COL2A1: variants seen among roughly 807,000 people sequenced by gnomAD.
COL2A1 encodes collagen type II alpha 1 chain, also known as collagen alpha-1(II) chain.
In COL2A1, 28 loss-of-function variants were observed where a neutral mutation model predicts 204.5. The ratio of observed to expected loss-of-function variants is 0.14; its 90% CI spans 0.10 to 0.19. The LOEUF is 0.19. COL2A1 is among the 10% of genes least tolerant of loss of function. The pLI is 1.00. For synonymous variants in COL2A1, 708 were observed against 718.7 expected (o/e 0.99, Z 0.24); for missense variants, 1,388 against 2,027.5 (o/e 0.68, Z 6.06).
At chr12:47,998,921 C>T (rs995095851) in intron 2 of COL2A1, 2 of 169,076 alleles carry the variant, frequency 1.2e-5, no homozygotes, top group Admixed American at 1.1e-4. Context: ...TTATGAAGAG[C>T]ATCGGAGCAT....
chr12:48,001,549 G>A (rs1322994047), intron 1 of COL2A1, among the ~76,000 whole-genome samples: 1 of 152,154 alleles, frequency 6.6e-6, no homozygotes, highest in East Asian at 1.9e-4. Flanking sequence ...AGGACCCAGG[G>A]AGGAGAGGGG....
intron 52 of COL2A1, 52 bp downstream of exon 52, chr12:47,974,621 GAA>G: frequency 4.4e-6 from 7 of 1,579,902 alleles, no homozygotes; most frequent in Non-Finnish European, 6.1e-6. Flanking sequence ...AGAAAGAAAA[GAA>G]AGAGTTTGAG....
In COL2A1 at chr12:48,004,330, G is replaced by C; in HGVS notation, c.-9C>G. 2 of 1,528,664 alleles carry C rather than the reference G, an allele frequency of 1.3e-6. No individual in the cohort carries two copies. The highest frequency in any genetic ancestry group is 1.8e-6 in the Non-Finnish European group (2 of 1,128,086). The allele number at this position is 1,528,664 out of a possible 1,614,324, so 94.7% of individuals were successfully genotyped here. On this transcript the variant is annotated 5_prime_UTR_variant, in exon 1 of 54. Transcript: ENST00000380518. ...GCCCCGAGGCGAATCATGGCTCACC[G>C]CGGGGCCTGGCTGAGCCGGGCCCGG...
intron 16 of COL2A1, among the ~76,000 whole-genome samples, chr12:47,990,256 C>T (rs1939643010): frequency 6.6e-6 from 1 of 152,162 alleles, no homozygotes; most frequent in African/African-American, 2.4e-5. Flanking sequence ...GTGATCCACC[C>T]GCCTCAGGCT....
At chr12:47,983,643 T>C in intron 30 of COL2A1, 40 bp downstream of exon 30, 1 of 1,577,540 alleles carries the variant, frequency 6.3e-7, no homozygotes, top group East Asian at 2.3e-5. Flanking sequence ...GCCCTGGGTA[T>C]GGCAAAGGAC....
At chr12:47,986,171 G>A (rs1234782694) in intron 23 of COL2A1, among the ~76,000 whole-genome samples, 165 bp downstream of exon 23, 1 of 152,170 alleles carries the variant, frequency 6.6e-6, no homozygotes, top group Non-Finnish European at 1.5e-5. Context: ...GGTGGTTGGC[G>A]GCACAAATCA....
chr12:47,994,401 A>C (rs374347108), intron 12 of COL2A1, 23 bp downstream of exon 12: 3 of 1,613,862 alleles, frequency 1.9e-6, no homozygotes, highest in Non-Finnish European at 2.5e-6. Flanking sequence ...AAGATGCCTG[A>C]GGCTGGGAAC....
chr12:47,976,946 G>A lies in COL2A1; in HGVS notation c.3328-27C>T. 1 of 1,575,700 alleles carries A rather than the reference G, an allele frequency of 6.3e-7. No homozygotes were observed. Among genetic ancestry groups the A allele is most frequent in the South Asian group, 1.1e-5 (1 of 87,196 alleles). On this transcript the variant is annotated intron_variant, in intron 47 of 53. Coordinates refer to ENST00000380518, the MANE Select transcript of COL2A1 (RefSeq NM_001844.5). The surrounding 1 kb of genome is among the most constrained non-coding windows in gnomAD (Gnocchi z 4.3). ...TGGGAACAAGACAGACACCGATTGA[G>A]TCAGGTCAGGGCCAGGACAGGAGCC...
In COL2A1 at chr12:47,987,357, C is replaced by A. The variant is rs1407624854; in HGVS notation, c.1222-44G>T. On this transcript the variant is annotated intron_variant, in intron 19 of 53. Coordinates refer to ENST00000380518, the MANE Select transcript of COL2A1 (RefSeq NM_001844.5). This position sits in a 1 kb window ranked among gnomAD's most constrained non-coding sequence, Gnocchi z 4.1. ...TCAAATAAGCAGCAAAGAATGAACC[C>A]CAACCACCTCCAGCCCTCCAGGATC... 6.2e-6 allele frequency: 10 copies of A among 1,601,978 alleles called. No homozygotes were observed. The Admixed American group carries it at 6.7e-5, about 11-fold the overall frequency.
At chr12:47,975,832 C>T in intron 50 of COL2A1, 131 bp downstream of exon 50, 1 of 862,716 alleles carries the variant, frequency 1.2e-6, no homozygotes. Flanking sequence ...TCTGAGGAGA[C>T]CTCAGGATAA....
At chr12:47,993,728 C>G in intron 14 of COL2A1, 81 bp downstream of exon 14, 1 of 1,511,564 alleles carries the variant, frequency 6.6e-7, no homozygotes, top group Non-Finnish European at 9.2e-7. Context: ...CCACTGAGCT[C>G]CACAGTGTCT....
chr12:47,996,084 ACT>A (rs2136620011), intron 8 of COL2A1, among the ~76,000 whole-genome samples, 165 bp from the exon 9 acceptor site: 1 of 151,716 alleles, frequency 6.6e-6, no homozygotes, highest in South Asian at 2.1e-4. Context: ...CCCACGCAAC[ACT>A]CTATTTTTAT....
At chr12:47,975,894 C>A in intron 50 of COL2A1, 69 bp downstream of exon 50, 3 of 1,239,444 alleles carry the variant, frequency 2.4e-6, no homozygotes, top group Non-Finnish European at 2.4e-6. Flanking sequence ...AGGCCCTGAG[C>A]AAAAAAGAGC....
chr12:47,984,776 T>TG (rs1015987150), intron 27 of COL2A1, among the ~76,000 whole-genome samples, 177 bp from the exon 28 acceptor site: 1 of 152,222 alleles, frequency 6.6e-6, no homozygotes, highest in Non-Finnish European at 1.5e-5. Context: ...TGCTGGGCAC[T>TG]GCCACATGGA....
intron 30 of COL2A1, 83 bp from the exon 31 acceptor site, chr12:47,983,521 A>G: frequency 6.6e-7 from 1 of 1,504,286 alleles, no homozygotes; most frequent in South Asian, 1.2e-5. Flanking sequence ...GGGCAGACCC[A>G]AAGAAAGGAA....
At chr12:48,000,146 G>C in intron 1 of COL2A1, 21 bp from the exon 2 acceptor site, 2 of 1,564,246 alleles carry the variant, frequency 1.3e-6, no homozygotes, top group Non-Finnish European at 1.8e-6. Context: ...GGTGGGGAGG[G>C]AGAAGCAGAG....
chr12:47,980,125 T>C lies in COL2A1; in HGVS notation c.2626-63A>G. ...CCAAGGAAGACGGTGGGCTTCTGTCTGAGCCCCAACAATGGACCCCTGAGG... is the reference window on the plus strand; with the variant it reads ...CCAAGGAAGACGGTGGGCTTCTGTCCGAGCCCCAACAATGGACCCCTGAGG... On this transcript the variant is annotated intron_variant, in intron 39 of 53. Transcript: ENST00000380518. The surrounding 1 kb of genome is among the most constrained non-coding windows in gnomAD (Gnocchi z 4.5). 1 of 1,428,896 alleles carries C rather than the reference T, an allele frequency of 7.0e-7. No homozygotes were observed. The highest frequency in any genetic ancestry group is 9.7e-7 in the Non-Finnish European group (1 of 1,035,944). The allele number at this position is 1,428,896 out of a possible 1,614,324, so 88.5% of individuals were successfully genotyped here. A position where few individuals can be genotyped will look rare whatever the true frequency, so the allele number is the denominator to read the frequency against.
At chr12:47,997,500 C>T in intron 7 of COL2A1, 106 bp downstream of exon 7, 1 of 1,600,126 alleles carries the variant, frequency 6.2e-7, no homozygotes, top group Non-Finnish European at 8.6e-7. Flanking sequence ...AGGCTATGTA[C>T]ACACTGCTGG....
chr12:47,989,938 G>A (rs1592224642), intron 16 of COL2A1, 133 bp from the exon 17 acceptor site: 2 of 822,336 alleles, frequency 2.4e-6, no homozygotes. Flanking sequence ...AGGATGGCGA[G>A]GTGTGGGCTG....
Sources: gnomAD v4.1 joint callset for allele counts (sites outside exome capture counted in the v4.1 genomes callset) on GRCh38, gnomAD v4.1.1 for gene constraint, Gnocchi (gnomAD v3.1) non-coding constraint, MANE v1.5 for transcripts, NCBI Gene and HGNC (gene_info 2026-07-23, HGNC 2026-07-21) for gene names.